The following SPATA17 variants were observed in gnomAD, a reference collection of about 807,000 sequenced individuals.
SPATA17 encodes the protein spermatogenesis associated 17, also known as spermatogenesis-associated protein 17.
SPATA17 carries 53 observed loss-of-function variants against 62.2 expected under a neutral mutation model. That is an observed-to-expected ratio of 0.85 (90% confidence interval 0.68 to 1.07). The LOEUF (loss-of-function observed/expected upper bound fraction) is 1.07. Among genes scored for constraint, SPATA17 ranks in the 50% least tolerant of loss-of-function variants. The pLI is 0.00. For synonymous variants in SPATA17, 146 were observed against 146.8 expected (o/e 0.99, Z 0.04); for missense variants, 466 against 425.5 (o/e 1.10, Z -0.84).
intron 6 of SPATA17, among the ~76,000 whole-genome samples, chr1:217,773,303 C>T (rs1673499986): frequency 6.6e-6 from 1 of 152,048 alleles, no homozygotes; most frequent in African/African-American, 2.4e-5. Context: ...AGAATGGATA[C>T]ATTTAATATA....
intron 6 of SPATA17, among the ~76,000 whole-genome samples, chr1:217,744,569 T>C (rs1287042528): frequency 6.6e-6 from 1 of 152,146 alleles, no homozygotes; most frequent in Non-Finnish European, 1.5e-5. Context: ...TAAGTATATT[T>C]GTATTAACAA....
chr1:217,655,403 A>G (rs748647311), intron 3 of SPATA17, among the ~76,000 whole-genome samples: 3 of 152,190 alleles, frequency 2.0e-5, no homozygotes, highest in Non-Finnish European at 4.4e-5. Flanking sequence ...TGTCCAATAA[A>G]TGTTGTTAAC....
intron 9 of SPATA17, among the ~76,000 whole-genome samples, chr1:217,820,265 A>G (rs1002227200): frequency 7.2e-5 from 11 of 152,064 alleles, no homozygotes; most frequent in African/African-American, 2.7e-4. Context: ...GCAAGGATTG[A>G]AAAAGTGAGG....
chr1:217,735,313 C>G (rs1672487800), intron 5 of SPATA17, among the ~76,000 whole-genome samples: 1 of 152,184 alleles, frequency 6.6e-6, no homozygotes, highest in Non-Finnish European at 1.5e-5. Flanking sequence ...TAAGGGCACT[C>G]TTCTTTGTTT....
At chr1:217,797,715 A>G (rs1223715097) in intron 8 of SPATA17, among the ~76,000 whole-genome samples, 1 of 152,122 alleles carries the variant, frequency 6.6e-6, no homozygotes. Flanking sequence ...TCTTGCATCA[A>G]TTCTTTCCCA....
chr1:217,832,359 T>C (rs370157341), intron 9 of SPATA17, among the ~76,000 whole-genome samples: 4 of 152,250 alleles, frequency 2.6e-5, no homozygotes, highest in African/African-American at 4.8e-5. Context: ...ACATATTTTC[T>C]TTTTACCCCA....
intron 5 of SPATA17, among the ~76,000 whole-genome samples, chr1:217,705,261 T>C (rs1671705507): frequency 6.6e-6 from 1 of 152,026 alleles, no homozygotes; most frequent in South Asian, 2.1e-4. Flanking sequence ...GTTTGTTTTT[T>C]CCTTGTTGAT....
At chr1:217,716,654 A>G (rs1672010289) in intron 5 of SPATA17, among the ~76,000 whole-genome samples, 1 of 152,224 alleles carries the variant, frequency 6.6e-6, no homozygotes, top group South Asian at 2.1e-4. Flanking sequence ...GACATTAAAC[A>G]TTTCTATATG....
At chr1:217,669,903 T>A (rs1670795194) in intron 4 of SPATA17, among the ~76,000 whole-genome samples, 1 of 152,118 alleles carries the variant, frequency 6.6e-6, no homozygotes, top group Admixed American at 6.5e-5. Context: ...GGCTCTTTCC[T>A]TTTCAGGTGA....
intron 9 of SPATA17, among the ~76,000 whole-genome samples, chr1:217,805,821 A>C (rs751226493): frequency 3.8e-4 from 58 of 152,252 alleles, no homozygotes; most frequent in Non-Finnish European, 7.3e-4. Flanking sequence ...TGCTGTGTTC[A>C]TGGACTGAAA....
At chr1:217,799,258 T>C (rs751541352) in intron 8 of SPATA17, among the ~76,000 whole-genome samples, 11 of 152,180 alleles carry the variant, frequency 7.2e-5, no homozygotes, top group Admixed American at 1.3e-4. Context: ...TAGAGTTAAT[T>C]CACGAGCAGG....
intron 1 of SPATA17, among the ~76,000 whole-genome samples, chr1:217,637,131 T>C (rs1015108867): frequency 6.6e-6 from 1 of 152,072 alleles, no homozygotes; most frequent in Non-Finnish European, 1.5e-5. Context: ...GAAAAAGAAA[T>C]AGAGAAATAA....
chr1:217,847,875 T>C (rs745968601), intron 9 of SPATA17, among the ~76,000 whole-genome samples: 1 of 151,798 alleles, frequency 6.6e-6, no homozygotes, highest in Non-Finnish European at 1.5e-5. Context: ...CTACAAAAAA[T>C]AAAAAAATTA....
chr1:217,751,267 A>C (rs1672899312), intron 6 of SPATA17, among the ~76,000 whole-genome samples: 1 of 152,202 alleles, frequency 6.6e-6, no homozygotes. Context: ...CTATTTTCAG[A>C]ATATTCTATA....
chr1:217,708,767 G>A (rs1456770987), intron 5 of SPATA17, among the ~76,000 whole-genome samples: 1 of 151,360 alleles, frequency 6.6e-6, no homozygotes, highest in East Asian at 1.9e-4. Flanking sequence ...GATGAACATA[G>A]ATGCAAAAAT....
chr1:217,694,394 G>A (rs1057222202), intron 5 of SPATA17, among the ~76,000 whole-genome samples: 22 of 147,512 alleles, frequency 1.5e-4, no homozygotes, highest in Middle Eastern at 3.4e-3. Context: ...GTCTCTTCAC[G>A]TGAGATGGGT....
intron 5 of SPATA17, among the ~76,000 whole-genome samples, chr1:217,704,230 CTTTTTTTTTTTT>C (rs560591615): frequency 3.8e-4 from 16 of 41,720 alleles, no homozygotes; most frequent in Admixed American, 8.2e-4. Context: ...TTCCCTCTAC[CTTTTTTTTTTTT>C]TTTTTTTTTT....
Position 217,850,308 on chromosome 1 carries a change from C to T in SPATA17, c.1006-12466C>T, listed in dbSNP as rs1234328809. On this transcript the variant is annotated intron_variant, in intron 9 of 10. Transcript: ENST00000366933. ...ACATTTTGAACAGGTTCAACTATTA[C>T]TGAAACTTGTAATTTCTAAACTTAA... 8.6e-6 allele frequency: 4 copies of T among 466,204 alleles called. No individual in the cohort carries two copies. The South Asian group carries it at 9.1e-5, about 11-fold the overall frequency. The allele number at this position is 466,204 out of a possible 1,614,324, so 28.9% of individuals were successfully genotyped here. A position where few individuals can be genotyped will look rare whatever the true frequency, so the allele number is the denominator to read the frequency against.
At chr1:217,695,900 G>C (rs1247656290) in intron 5 of SPATA17, among the ~76,000 whole-genome samples, 1 of 134,796 alleles carries the variant, frequency 7.4e-6, no homozygotes, top group African/African-American at 2.9e-5. Flanking sequence ...CTTCAAAGCT[G>C]TCAGACAGGG....
Sources: allele counts gnomAD v4.1 joint callset (sites outside exome capture counted in the v4.1 genomes callset), GRCh38; gene constraint gnomAD v4.1.1; transcripts MANE v1.5; gene names NCBI Gene and HGNC (gene_info 2026-07-23, HGNC 2026-07-21).